ERC2: variants seen among roughly 807,000 people sequenced by gnomAD.
The protein encoded by ERC2 is ERC protein 2.
ERC2 carries 42 observed loss-of-function variants against 114.8 expected under a neutral mutation model. The ratio of observed to expected loss-of-function variants is 0.37; its 90% confidence interval spans 0.29 to 0.47. The LOEUF (loss-of-function observed/expected upper bound fraction) is 0.47, where lower values mean the gene tolerates loss of function less well. Ranked by LOEUF, ERC2 falls within the 20% of genes least tolerant of loss-of-function variation. ERC2 has a pLI of 0.99. For missense variants in ERC2, 939 were observed against 1,150.7 expected (o/e 0.82, Z 2.66); for synonymous variants, 454 against 425.5 (o/e 1.07, Z -0.82).
At chr3:56,153,518 A>G (rs971530499) in intron 4 of ERC2, among the ~76,000 whole-genome samples, 3 of 152,218 alleles carry the variant, frequency 2.0e-5, no homozygotes, top group Admixed American at 2.0e-4. Context: ...TTCCAAATAC[A>G]TTTAGAAAAA....
intron 17 of ERC2, among the ~76,000 whole-genome samples, chr3:55,523,433 T>C (rs2053096141): frequency 6.6e-6 from 1 of 152,220 alleles, no homozygotes; most frequent in African/African-American, 2.4e-5. Context: ...CTTGGGCACT[T>C]TCCCCATCAT....
At chr3:56,342,256 G>T (rs1467654249) in intron 2 of ERC2, among the ~76,000 whole-genome samples, 1 of 152,154 alleles carries the variant, frequency 6.6e-6, no homozygotes, top group African/African-American at 2.4e-5. Context: ...ACTACTTATT[G>T]CCATCACAGA....
intron 14 of ERC2, among the ~76,000 whole-genome samples, chr3:55,794,090 TA>T (rs766113250): frequency 1.3e-5 from 2 of 152,216 alleles, no homozygotes; most frequent in Non-Finnish European, 2.9e-5. Context: ...ACTTTAATGT[TA>T]TGGCACCCTC....
intron 14 of ERC2, among the ~76,000 whole-genome samples, chr3:55,808,744 A>ATAT (rs1559689738): frequency 3.5e-5 from 3 of 85,692 alleles, no homozygotes; most frequent in Non-Finnish European, 6.8e-5. Flanking sequence ...TATATATATA[A>ATAT]CGTATAACTA....
intron 3 of ERC2, among the ~76,000 whole-genome samples, chr3:56,238,399 C>A (rs1178769765): frequency 1.3e-5 from 2 of 152,218 alleles, no homozygotes; most frequent in South Asian, 2.1e-4. Flanking sequence ...CTGAGTCAGA[C>A]AAGTGGGGCC....
At chr3:55,861,050 T>C (rs1010205482) in intron 14 of ERC2, among the ~76,000 whole-genome samples, 1 of 152,248 alleles carries the variant, frequency 6.6e-6, no homozygotes, top group African/African-American at 2.4e-5. Flanking sequence ...AGCTACGCTA[T>C]TTTCAACTGT....
intron 14 of ERC2, among the ~76,000 whole-genome samples, chr3:55,795,993 G>GA (rs1158527929): frequency 3.9e-5 from 6 of 152,246 alleles, no homozygotes; most frequent in African/African-American, 1.2e-4. Context: ...GCAAACAAAT[G>GA]AAAAATGCAT....
chr3:56,355,251 T>C (rs546077303), intron 2 of ERC2, among the ~76,000 whole-genome samples: 1 of 152,158 alleles, frequency 6.6e-6, no homozygotes, highest in Non-Finnish European at 1.5e-5. Flanking sequence ...GAACACACTA[T>C]AATTCTAAGA....
chr3:56,403,868 G>C (rs993008412), intron 2 of ERC2, among the ~76,000 whole-genome samples: 1 of 152,164 alleles, frequency 6.6e-6, no homozygotes, highest in Non-Finnish European at 1.5e-5. Context: ...AGAAGGGAAG[G>C]CTGTGCTTCA....
intron 14 of ERC2, among the ~76,000 whole-genome samples, chr3:55,748,879 A>G (rs568324304): frequency 6.6e-6 from 1 of 152,366 alleles, no homozygotes; most frequent in African/African-American, 2.4e-5. Flanking sequence ...AAACAATTGA[A>G]TATCAGAAAT....
intron 10 of ERC2, 36 bp from the exon 11 acceptor site, chr3:55,992,286 C>T (rs2071134488): frequency 1.9e-6 from 3 of 1,573,622 alleles, no homozygotes; most frequent in Non-Finnish European, 2.6e-6. Flanking sequence ...GTAGTTAAGA[C>T]AACAATTTAG....
At chr3:55,540,956 C>T (rs1248122060) in intron 17 of ERC2, among the ~76,000 whole-genome samples, 1 of 151,958 alleles carries the variant, frequency 6.6e-6, no homozygotes, top group Non-Finnish European at 1.5e-5. Context: ...GGCTCCCACT[C>T]CCTATGAAGA....
At chr3:55,785,926 T>C (rs1458053482) in intron 14 of ERC2, among the ~76,000 whole-genome samples, 2 of 152,174 alleles carry the variant, frequency 1.3e-5, no homozygotes, top group Non-Finnish European at 2.9e-5. Flanking sequence ...GACTTTGAAA[T>C]TGGCCATGTG....
At chr3:55,706,382 T>G (rs551695144) in intron 15 of ERC2, among the ~76,000 whole-genome samples, 1 of 151,974 alleles carries the variant, frequency 6.6e-6, no homozygotes, top group Non-Finnish European at 1.5e-5. Flanking sequence ...TTCTGTTTTT[T>G]TTTGTTTTTG....
intron 2 of ERC2, among the ~76,000 whole-genome samples, chr3:56,306,793 C>T (rs551200837): frequency 6.6e-6 from 1 of 152,282 alleles, no homozygotes; most frequent in South Asian, 2.1e-4. Flanking sequence ...TGCCTGGTTC[C>T]AATCCCAGCC....
At chr3:55,901,403 A>G (rs2064130064) in intron 13 of ERC2, among the ~76,000 whole-genome samples, 1 of 152,168 alleles carries the variant, frequency 6.6e-6, no homozygotes, top group African/African-American at 2.4e-5. Context: ...GGAGCAGCTC[A>G]GGGTCCTCTT....
intron 4 of ERC2, among the ~76,000 whole-genome samples, chr3:56,159,979 T>C (rs907340956): frequency 6.6e-6 from 1 of 152,218 alleles, no homozygotes; most frequent in African/African-American, 2.4e-5. Context: ...TTTAAGTGTA[T>C]GTGTCTTTTT....
intron 3 of ERC2, among the ~76,000 whole-genome samples, chr3:56,287,708 A>T (rs978572777): frequency 1.1e-4 from 17 of 152,244 alleles, no homozygotes. Context: ...CCCTGGCAGC[A>T]TCAAGAAGTG....
chr3:55,523,669 A>G (rs2053116762), intron 17 of ERC2, among the ~76,000 whole-genome samples: 1 of 152,174 alleles, frequency 6.6e-6, no homozygotes, highest in South Asian at 2.1e-4. Context: ...TGCGTTCATG[A>G]GGACAGGCTA....
Sources: gnomAD v4.1 joint callset for allele counts (sites outside exome capture counted in the v4.1 genomes callset) on GRCh38, gnomAD v4.1.1 for gene constraint, MANE v1.5 for transcripts, NCBI Gene and HGNC (gene_info 2026-07-23, HGNC 2026-07-21) for gene names.